PARD3: variants seen among roughly 807,000 people sequenced by gnomAD.
PARD3 encodes partitioning defective 3 homolog.
A neutral mutation model predicts 155.4 loss-of-function variants in PARD3; 75 were observed. The ratio of observed to expected loss-of-function variants is 0.48; its 90% CI spans 0.40 to 0.58. The LOEUF (loss-of-function observed/expected upper bound fraction) is 0.58. PARD3 is among the 20% of genes least tolerant of loss of function. The pLI is 0.00. For synonymous variants in PARD3, 576 were observed against 610.5 expected (o/e 0.94, Z 0.83); for missense variants, 1,642 against 1,721.7 (o/e 0.95, Z 0.82).
At chr10:34,627,857 T>C (rs1306376265) in intron 2 of PARD3, among the ~76,000 whole-genome samples, 2 of 152,164 alleles carry the variant, frequency 1.3e-5, no homozygotes, top group Non-Finnish European at 2.9e-5. Flanking sequence ...TAAAGTGTTA[T>C]GTGGGAAGAT....
intron 23 of PARD3, among the ~76,000 whole-genome samples, chr10:34,122,543 AG>A (rs1203143205): frequency 2.0e-5 from 3 of 152,238 alleles, no homozygotes; most frequent in African/African-American, 7.2e-5. Flanking sequence ...CATGCTCACC[AG>A]GAAGAAACAT....
At chr10:34,375,560 T>C (rs1024378529) in intron 10 of PARD3, among the ~76,000 whole-genome samples, 1 of 152,126 alleles carries the variant, frequency 6.6e-6, no homozygotes, top group African/African-American at 2.4e-5. Flanking sequence ...GGAAGCAATA[T>C]TTCAGCTGAA....
chr10:34,546,005 C>T (rs1197201169), intron 2 of PARD3, among the ~76,000 whole-genome samples: 2 of 152,152 alleles, frequency 1.3e-5, no homozygotes, highest in African/African-American at 2.4e-5. Flanking sequence ...CTGCTTTGCA[C>T]TTGTTTTTCA....
chr10:34,400,003 A>G (rs1339553200), intron 6 of PARD3, among the ~76,000 whole-genome samples: 1 of 152,226 alleles, frequency 6.6e-6, no homozygotes, highest in Non-Finnish European at 1.5e-5. Flanking sequence ...CATTGTCCTT[A>G]CTGCTCACTA....
chr10:34,583,505 G>A (rs1255132993), intron 2 of PARD3, among the ~76,000 whole-genome samples: 2 of 151,980 alleles, frequency 1.3e-5, no homozygotes, highest in African/African-American at 4.8e-5. Context: ...ACCACTTCAA[G>A]TGTCACTTTT....
chr10:34,272,945 A>C (rs969018755), intron 21 of PARD3, among the ~76,000 whole-genome samples: 5 of 152,216 alleles, frequency 3.3e-5, no homozygotes, highest in African/African-American at 1.2e-4. Flanking sequence ...TGACTGGTTA[A>C]AATAAAAAAC....
At chr10:34,591,121 A>G (rs1396867360) in intron 2 of PARD3, among the ~76,000 whole-genome samples, 4 of 152,082 alleles carry the variant, frequency 2.6e-5, no homozygotes, top group Non-Finnish European at 5.9e-5. Context: ...CACGAAGACC[A>G]GCTTGTTCCC....
chr10:34,762,873 T>G (rs1837632187), intron 1 of PARD3, among the ~76,000 whole-genome samples: 1 of 152,192 alleles, frequency 6.6e-6, no homozygotes, highest in Non-Finnish European at 1.5e-5. Context: ...ACATTTACTT[T>G]GCAAATATAA....
At chr10:34,779,125 A>C (rs979892095) in intron 1 of PARD3, among the ~76,000 whole-genome samples, 5 of 151,152 alleles carry the variant, frequency 3.3e-5, no homozygotes, top group African/African-American at 1.2e-4. Flanking sequence ...AGCCTGGCCA[A>C]CATGGCGAAA....
intron 22 of PARD3, among the ~76,000 whole-genome samples, chr10:34,235,676 C>T (rs888978677): frequency 5.3e-5 from 8 of 152,076 alleles, no homozygotes; most frequent in East Asian, 3.9e-4. Flanking sequence ...TGGATCTTGC[C>T]GAGTTCTGAC....
chr10:34,755,686 T>C lies in PARD3; in HGVS notation c.120+59190A>G, dbSNP rs1836620141. 2.6e-5 allele frequency among the ~76,000 whole-genome samples: 4 copies of C among 152,136 alleles called. No individual in the cohort carries two copies. In the South Asian group the frequency reaches 8.3e-4, roughly 32 times the overall value. On this transcript the variant is annotated intron_variant, in intron 1 of 24. Transcript: ENST00000374788. ...AACAGTCTCTCCTCAAGAATATGGA[T>C]ACTCAAAGATTTGGCATTAAACTGG... is the stretch of plus-strand genomic sequence containing the variant.
At chr10:34,330,905 T>C (rs967987575) in intron 19 of PARD3, among the ~76,000 whole-genome samples, 3 of 152,102 alleles carry the variant, frequency 2.0e-5, no homozygotes, top group African/African-American at 7.2e-5. Context: ...TCACAGGACA[T>C]GTGGCCTCCA....
chr10:34,558,450 A>G (rs748160810), intron 2 of PARD3, among the ~76,000 whole-genome samples: 1 of 152,236 alleles, frequency 6.6e-6, no homozygotes, highest in Non-Finnish European at 1.5e-5. Flanking sequence ...CAAAGTGTTA[A>G]GTCAACCATG....
intron 22 of PARD3, among the ~76,000 whole-genome samples, chr10:34,235,217 A>T (rs2133601111): frequency 6.6e-6 from 1 of 152,212 alleles, no homozygotes; most frequent in East Asian, 1.9e-4. Flanking sequence ...TTATTATGTT[A>T]TAGAACTATA....
chr10:34,569,192 C>T (rs1444829772), intron 2 of PARD3, among the ~76,000 whole-genome samples: 2 of 152,078 alleles, frequency 1.3e-5, no homozygotes, highest in Non-Finnish European at 2.9e-5. Context: ...CATTAAGGTT[C>T]AAACATCAAC....
chr10:34,244,242 T>C (rs891384929), intron 22 of PARD3, among the ~76,000 whole-genome samples: 1 of 152,210 alleles, frequency 6.6e-6, no homozygotes, highest in Non-Finnish European at 1.5e-5. Flanking sequence ...TTGAAACTAA[T>C]TGAAGTAAGA....
rs1441208591 is a variant in PARD3, at chr10:34,363,339, C to G, written c.1708-3080G>C. Among the ~76,000 whole-genome samples the G allele has an allele frequency of 2.6e-5, 4 of 152,086 alleles. 1 individual carries two copies. Among genetic ancestry groups the G allele is most frequent in the Admixed American group, 2.6e-4 (4 of 15,276 alleles). ...CCAGGGGATAGTTTATTTATTATAA[C>G]AACTGCAGAATGGGAATAATCTTTT... On this transcript the variant is annotated intron_variant, in intron 12 of 24. Coordinates refer to ENST00000374788, the MANE Select transcript of PARD3 (RefSeq NM_001184785.2).
At chr10:34,388,470 C>T (rs571918546) in intron 7 of PARD3, among the ~76,000 whole-genome samples, 8 of 152,194 alleles carry the variant, frequency 5.3e-5, no homozygotes, top group South Asian at 2.1e-4. Context: ...TGTGTGCTCG[C>T]GAGCAGATAC....
chr10:34,605,038 T>C (rs2090110317), intron 2 of PARD3, among the ~76,000 whole-genome samples: 1 of 152,094 alleles, frequency 6.6e-6, no homozygotes, highest in Admixed American at 6.6e-5. Context: ...GAGTTTCTCT[T>C]CTGGTGATTA....
Sources: allele counts gnomAD v4.1 joint callset (sites outside exome capture counted in the v4.1 genomes callset), GRCh38; gene constraint gnomAD v4.1.1; transcripts MANE v1.5; gene names NCBI Gene and HGNC (gene_info 2026-07-23, HGNC 2026-07-21).